DMRT1: variants seen among roughly 807,000 people sequenced by gnomAD.
DMRT1 encodes the protein doublesex and mab-3 related transcription factor 1, also known as doublesex- and mab-3-related transcription factor 1.
Under a neutral mutation model 32.3 loss-of-function variants are expected in DMRT1, and 7 were observed. The ratio of observed to expected loss-of-function variants is 0.22; its 90% CI spans 0.12 to 0.41. DMRT1 has a LOEUF of 0.41. Ranked by LOEUF, DMRT1 falls within the 10% of genes least tolerant of loss-of-function variation. The probability of loss-of-function intolerance (pLI) is 1.00; values close to 1 mark genes in which losing one functional copy is unlikely to be tolerated. For synonymous variants in DMRT1, 278 were observed against 206.1 expected, an observed-to-expected ratio of 1.35 and a Z score of -2.99; for missense variants, 625 against 500.5, an observed-to-expected ratio of 1.25 and a Z score of -2.37.
chr9:894,359 C>G lies in DMRT1; in HGVS notation c.822+164C>G, dbSNP rs78307119. The G allele has an allele frequency of 8.9e-3, 6,462 of 722,228 alleles. 54 individuals carry two copies. Among genetic ancestry groups the G allele is most frequent in the South Asian group, 0.025 (1,625 of 65,688 alleles). 44.7% of individuals were successfully genotyped at this position (722,228 alleles called of 1,614,324 possible). On this transcript the variant is annotated intron_variant, in intron 3 of 4. Coordinates refer to ENST00000382276, the MANE Select transcript of DMRT1 (RefSeq NM_021951.3). The stretch of plus-strand genomic sequence containing the variant: ...ACATATGTGTGTGTGCCATTTTGCA[C>G]ACATGTAGGCACAATATGCAAAATG...
intron 3 of DMRT1, among the ~76,000 whole-genome samples, chr9:899,409 A>G (rs1023040232): frequency 1.3e-5 from 2 of 152,214 alleles, no homozygotes; most frequent in African/African-American, 4.8e-5. Flanking sequence ...AGCACCTACT[A>G]AGTGCCAAAC....
intron 3 of DMRT1, among the ~76,000 whole-genome samples, chr9:913,034 ACT>A (rs1818043243): frequency 6.6e-6 from 1 of 152,116 alleles, no homozygotes; most frequent in Non-Finnish European, 1.5e-5. Context: ...AAATATATAT[ACT>A]GTTTGACATT....
intron 4 of DMRT1, among the ~76,000 whole-genome samples, chr9:952,380 C>T (rs537526214): frequency 6.6e-6 from 1 of 152,138 alleles, no homozygotes; most frequent in Admixed American, 6.6e-5. Flanking sequence ...TCTTCCAACA[C>T]CTTGGACGTG....
In DMRT1 at chr9:869,222, C is replaced by G. The variant is rs1294307749; in HGVS notation, c.538+22079C>G. Among the ~76,000 whole-genome samples, 2 of 152,162 alleles carry G rather than the reference C, an allele frequency of 1.3e-5. 1 individual carries two copies. The highest frequency in any genetic ancestry group is 2.9e-5 in the Non-Finnish European group (2 of 68,032). ...CAAGGATATTCTACTAAGGCCACAG[C>G]TTTTGCCTCTTCCTCCCCTTTCCCT... On this transcript the variant is annotated intron_variant, in intron 2 of 4. Transcript: ENST00000382276.
At position 862,174 on chromosome 9, in the gene DMRT1, G is replaced by A. The variant is rs545352100; in HGVS notation, c.538+15031G>A. ...GCGGCTGGGAGGTGGAGGTTGTAGC[G>A]AGCCGAGATCACGCCACTGCACTCC... On this transcript the variant is annotated intron_variant, in intron 2 of 4. Coordinates refer to ENST00000382276, the MANE Select transcript of DMRT1 (RefSeq NM_021951.3). Among the ~76,000 whole-genome samples, 317 of 150,922 alleles carry A rather than the reference G, an allele frequency of 2.1e-3. 2 individuals are homozygous for A. The highest frequency in any genetic ancestry group is 7.4e-3 in the African/African-American group (307 of 41,332).
chr9:849,721 G>A (rs938991463), intron 2 of DMRT1, among the ~76,000 whole-genome samples: 10 of 152,296 alleles, frequency 6.6e-5, no homozygotes, highest in Non-Finnish European at 1.3e-4. Flanking sequence ...ACAGGGAAGG[G>A]GCATGTGGAA....
At chr9:933,089 T>G (rs1818779647) in intron 4 of DMRT1, among the ~76,000 whole-genome samples, 2 of 152,140 alleles carry the variant, frequency 1.3e-5, no homozygotes, top group South Asian at 4.1e-4. Context: ...ATTTTTGTAT[T>G]TTTAGTAGAG....
rs141981208 is a variant in DMRT1, at chr9:887,518, C to A, written c.539-6394C>A. On this transcript the variant is annotated intron_variant, in intron 2 of 4. Coordinates refer to ENST00000382276, the MANE Select transcript of DMRT1 (RefSeq NM_021951.3). The stretch of plus-strand genomic sequence containing the variant: ...CTTCAGCAATTAACTCCAGCATAAC[C>A]TTCCATTCTCATTTGCAGTTGTCAC... 2.6e-3 allele frequency among the ~76,000 whole-genome samples: 394 copies of A among 152,256 alleles called. 1 individual carries two copies. The highest frequency in any genetic ancestry group is 8.7e-3 in the African/African-American group (361 of 41,546).
At chr9:852,825 A>C (rs367935414) in intron 2 of DMRT1, among the ~76,000 whole-genome samples, 1 of 152,182 alleles carries the variant, frequency 6.6e-6, no homozygotes, top group Non-Finnish European at 1.5e-5. Context: ...CCCTGTTAGA[A>C]GGATCAGTCA....
At chr9:954,726 G>C (rs111332792) in intron 4 of DMRT1, among the ~76,000 whole-genome samples, 4,303 of 152,054 alleles carry the variant, frequency 0.028, 213 homozygotes, top group African/African-American at 0.099. Context: ...ACTGTAACCT[G>C]TGCCTCCCAG....
At chr9:877,748 G>A (rs551396617) in intron 2 of DMRT1, among the ~76,000 whole-genome samples, 40 of 152,332 alleles carry the variant, frequency 2.6e-4, no homozygotes, top group Middle Eastern at 6.8e-3. Context: ...AGCAAAGGGA[G>A]TATAAAGGGC....
At chr9:858,871 ATAT>A (rs1320680017) in intron 2 of DMRT1, among the ~76,000 whole-genome samples, 365 of 34,746 alleles carry the variant, frequency 0.011, 2 homozygotes, top group African/African-American at 0.033. Context: ...AAAAAAAAAA[ATAT>A]ATATATATAT....
chr9:843,806 T>C (rs1282586619), intron 1 of DMRT1, among the ~76,000 whole-genome samples: 16 of 152,218 alleles, frequency 1.1e-4, no homozygotes, highest in Admixed American at 8.5e-4. Flanking sequence ...TTATATAATA[T>C]ATCAGATTTT....
At chr9:897,466 C>T (rs1033983006) in intron 3 of DMRT1, among the ~76,000 whole-genome samples, 2 of 151,616 alleles carry the variant, frequency 1.3e-5, no homozygotes, top group East Asian at 1.9e-4. Context: ...AGGTAATATA[C>T]GTATAAAGGA....
chr9:854,772 C>CTTT (rs566337598), intron 2 of DMRT1, among the ~76,000 whole-genome samples: 1 of 100,444 alleles, frequency 1.0e-5, no homozygotes, highest in African/African-American at 3.7e-5. Flanking sequence ...AACAAAACTC[C>CTTT]TTTTTTTTTT....
At chr9:878,539 C>G (rs1454199283) in intron 2 of DMRT1, among the ~76,000 whole-genome samples, 2 of 152,098 alleles carry the variant, frequency 1.3e-5, no homozygotes, top group East Asian at 3.9e-4. Flanking sequence ...ACACCAAACG[C>G]ACTCAAGGCT....
intron 4 of DMRT1, among the ~76,000 whole-genome samples, chr9:921,630 C>A (rs1352119668): frequency 6.6e-6 from 1 of 152,178 alleles, no homozygotes; most frequent in Non-Finnish European, 1.5e-5. Flanking sequence ...GTTCCAGTTT[C>A]TCCACATCCT....
At chr9:847,568 G>A (rs745726645) in intron 2 of DMRT1, among the ~76,000 whole-genome samples, 1 of 152,208 alleles carries the variant, frequency 6.6e-6, no homozygotes, top group African/African-American at 2.4e-5. Flanking sequence ...TGAATGAGCG[G>A]GAAGTAACAC....
At chr9:929,770 A>G (rs1416231537) in intron 4 of DMRT1, among the ~76,000 whole-genome samples, 1 of 152,046 alleles carries the variant, frequency 6.6e-6, no homozygotes, top group African/African-American at 2.4e-5. Context: ...CAGTTCCTCA[A>G]TATCTCTTTC....
Sources: gnomAD v4.1 joint callset for allele counts (sites outside exome capture counted in the v4.1 genomes callset) on GRCh38, gnomAD v4.1.1 for gene constraint, MANE v1.5 for transcripts, NCBI Gene and HGNC (gene_info 2026-07-23, HGNC 2026-07-21) for gene names.